Variants in CBFB observed in about 807,000 individuals in gnomAD.
CBFB encodes the protein CBF-beta.
CBFB carries 9 observed loss-of-function variants against 30.4 expected under a neutral mutation model. The observed-to-expected ratio is 0.30, with a 90% CI of 0.18 to 0.52. CBFB has a LOEUF of 0.52. Ranked by LOEUF, CBFB falls within the 20% of genes least tolerant of loss-of-function variation. The probability of loss-of-function intolerance (pLI) is 0.97; values close to 1 mark genes in which losing one functional copy is unlikely to be tolerated. For synonymous variants in CBFB, 94 were observed against 84.0 expected (o/e 1.12, Z -0.65); for missense variants, 170 against 244.0 (o/e 0.70, Z 2.02).
At chr16:67,030,007 G>T (rs1966307158) in intron 2 of CBFB, 194 bp downstream of exon 2, 1 of 465,260 alleles carries the variant, frequency 2.1e-6, no homozygotes, top group Non-Finnish European at 3.7e-6. Flanking sequence ...CTTTTCCTGG[G>T]GCTCGCCGCG....
intron 2 of CBFB, among the ~76,000 whole-genome samples, chr16:67,030,517 C>T (rs1217789621): frequency 6.6e-6 from 1 of 151,988 alleles, no homozygotes; most frequent in Admixed American, 6.6e-5. Flanking sequence ...TCCAAGGGTC[C>T]TAGTTCCTCT....
intron 3 of CBFB, among the ~76,000 whole-genome samples, chr16:67,038,366 ATATG>A (rs1408804264): frequency 4.6e-5 from 7 of 151,658 alleles, no homozygotes; most frequent in Non-Finnish European, 1.0e-4. Flanking sequence ...GTATATACGT[ATATG>A]TGTGTATGTA....
chr16:67,029,845 C>T (rs777855706), intron 2 of CBFB, 32 bp downstream of exon 2: 5 of 1,531,982 alleles, frequency 3.3e-6, no homozygotes, highest in Middle Eastern at 2.0e-4. Context: ...GCGCGCGGGT[C>T]ACTTGTTGCG....
At chr16:67,050,319 A>C (rs1966717729) in intron 3 of CBFB, among the ~76,000 whole-genome samples, 1 of 149,088 alleles carries the variant, frequency 6.7e-6, no homozygotes, top group Admixed American at 6.7e-5. Flanking sequence ...ATTATGTTCT[A>C]AGACACACAC....
chr16:67,029,862 C>G, intron 2 of CBFB, 49 bp downstream of exon 2: 1 of 1,408,172 alleles, frequency 7.1e-7, no homozygotes, highest in Non-Finnish European at 9.6e-7. Flanking sequence ...TGCGCGGGGC[C>G]GCGGCGGCCC....
intron 3 of CBFB, among the ~76,000 whole-genome samples, chr16:67,054,887 T>A (rs1249108165): frequency 6.6e-6 from 1 of 151,416 alleles, no homozygotes; most frequent in African/African-American, 2.4e-5. Context: ...CACGCGTAGC[T>A]GGGACTAGAG....
At chr16:67,082,191 G>T (rs2145771285) in intron 4 of CBFB, 22 bp from the exon 5 acceptor site, 1 of 1,466,026 alleles carries the variant, frequency 6.8e-7, no homozygotes. Flanking sequence ...AATTAAAATA[G>T]GTATTTCATG....
chr16:67,033,613 C>CT (rs1186367448), intron 2 of CBFB, among the ~76,000 whole-genome samples: 1,498 of 139,626 alleles, frequency 0.011, 10 homozygotes, highest in Non-Finnish European at 0.013. Flanking sequence ...CTTATCAATT[C>CT]TTTTTTTTTT....
intron 5 of CBFB, among the ~76,000 whole-genome samples, chr16:67,097,444 T>A (rs1962083652): frequency 6.6e-6 from 1 of 151,052 alleles, no homozygotes; most frequent in African/African-American, 2.4e-5. Flanking sequence ...ACTGAGGAGG[T>A]TGAGGCAAGA....
intron 5 of CBFB, among the ~76,000 whole-genome samples, chr16:67,097,618 C>A (rs1399830928): frequency 6.7e-6 from 1 of 150,042 alleles, no homozygotes; most frequent in Admixed American, 6.6e-5. Context: ...CTATTTTTAA[C>A]ATATGAGACA....
At chr16:67,045,929 G>T (rs1966620586) in intron 3 of CBFB, among the ~76,000 whole-genome samples, 1 of 151,510 alleles carries the variant, frequency 6.6e-6, no homozygotes, top group Admixed American at 6.6e-5. Flanking sequence ...CCAAGTAGCT[G>T]GGATTACAGG....
At chr16:67,051,912 T>TACACACACAC (rs112469458) in intron 3 of CBFB, among the ~76,000 whole-genome samples, 1 of 143,940 alleles carries the variant, frequency 6.9e-6, no homozygotes, top group African/African-American at 2.5e-5. Flanking sequence ...TATATGTGTA[T>TACACACACAC]ACACACACAC....
Position 67,087,783 on chromosome 16 carries a change from G to A in CBFB, c.495+5475G>A, listed in dbSNP as rs373431883. On this transcript the variant is annotated intron_variant, in intron 5 of 5. Transcript: ENST00000412916. ...CAGGCCTAGTTGAGATTCCTGCTCC[G>A]TCACTTGCCTCAAGAGCCCTAATTT... Among the ~76,000 whole-genome samples the A allele has an allele frequency of 3.1e-4, 47 of 152,110 alleles. 1 individual carries two copies. The highest frequency in any genetic ancestry group is 1.2e-3 in the Admixed American group (18 of 15,266).
At chr16:67,096,925 CAA>C (rs911939844) in intron 5 of CBFB, among the ~76,000 whole-genome samples, 22 of 83,394 alleles carry the variant, frequency 2.6e-4, no homozygotes, top group Admixed American at 5.7e-4. Flanking sequence ...GACTCCGTCT[CAA>C]AAAAAAAAAA....
At chr16:67,066,273 C>T (rs1961049774) in intron 3 of CBFB, among the ~76,000 whole-genome samples, 1 of 151,674 alleles carries the variant, frequency 6.6e-6, no homozygotes, top group Non-Finnish European at 1.5e-5. Context: ...TCTGGCCGGG[C>T]ATGGTAGCTC....
At chr16:67,063,836 A>G (rs1224618754) in intron 3 of CBFB, among the ~76,000 whole-genome samples, 1 of 152,178 alleles carries the variant, frequency 6.6e-6, no homozygotes, top group African/African-American at 2.4e-5. Flanking sequence ...AAACATCTCT[A>G]AAAACAAAAA....
At chr16:67,070,922 T>C (rs1379143469) in intron 4 of CBFB, among the ~76,000 whole-genome samples, 1 of 152,218 alleles carries the variant, frequency 6.6e-6, no homozygotes, top group Non-Finnish European at 1.5e-5. Context: ...ACATTTTTTA[T>C]ACTTGGAGTT....
chr16:67,084,013 A>G (rs996419269), intron 5 of CBFB, among the ~76,000 whole-genome samples: 5 of 151,826 alleles, frequency 3.3e-5, no homozygotes, highest in African/African-American at 2.4e-5. Flanking sequence ...TGCAAAAAAT[A>G]AAAAATTAGC....
chr16:67,053,008 C>CAAA (rs574234817), intron 3 of CBFB, among the ~76,000 whole-genome samples: 11 of 121,924 alleles, frequency 9.0e-5, no homozygotes, highest in African/African-American at 3.0e-4. Flanking sequence ...GATGCTATCT[C>CAAA]AAAAAAAAAA....
Sources: allele counts gnomAD v4.1 joint callset (sites outside exome capture counted in the v4.1 genomes callset), GRCh38; gene constraint gnomAD v4.1.1; transcripts MANE v1.5; gene names NCBI Gene and HGNC (gene_info 2026-07-23, HGNC 2026-07-21).